The following SLC37A3 variants were observed in gnomAD, a reference collection of about 807,000 sequenced individuals.
The protein encoded by SLC37A3 is sugar phosphate exchanger 3.
Under a neutral mutation model 67.1 loss-of-function variants are expected in SLC37A3, and 51 were observed. That is an observed-to-expected ratio of 0.76 (90% confidence interval 0.61 to 0.96). The LOEUF is 0.96. Among genes scored for constraint, SLC37A3 ranks in the 40% least tolerant of loss-of-function variants. SLC37A3 has a pLI of 0.00. For missense variants in SLC37A3, 508 were observed against 603.0 expected, an observed-to-expected ratio of 0.84 and a Z score of 1.65; for synonymous variants, 214 against 231.4, an observed-to-expected ratio of 0.92 and a Z score of 0.68.
chr7:140,388,118 C>CA (rs142381447), intron 1 of SLC37A3, among the ~76,000 whole-genome samples: 25,551 of 146,194 alleles, frequency 0.17, 2,222 homozygotes, highest in South Asian at 0.29. Context: ...TTTTAAAAGA[C>CA]AAAAAAAAAA....
chr7:140,374,222 A>G (rs1797932726), intron 3 of SLC37A3, among the ~76,000 whole-genome samples: 1 of 152,178 alleles, frequency 6.6e-6, no homozygotes, highest in Non-Finnish European at 1.5e-5. Context: ...TAGGCCAGGT[A>G]CGGTGGCTCA....
chr7:140,396,403 C>T (rs9640467), intron 1 of SLC37A3, among the ~76,000 whole-genome samples: 101,895 of 152,028 alleles, frequency 0.67, 35,562 homozygotes, highest in Non-Finnish European at 0.79. Flanking sequence ...TTCATTAATT[C>T]ATCCGTCTTC....
chr7:140,356,619 G>A (rs1797039593), intron 6 of SLC37A3, among the ~76,000 whole-genome samples: 3 of 152,144 alleles, frequency 2.0e-5, no homozygotes, highest in African/African-American at 7.2e-5. Flanking sequence ...GGAGGCGGAG[G>A]TTGCAGTGAG....
chr7:140,388,294 G>A (rs1303419282), intron 1 of SLC37A3, among the ~76,000 whole-genome samples: 1 of 151,546 alleles, frequency 6.6e-6, no homozygotes, highest in East Asian at 1.9e-4. Context: ...GTAGCCAGGT[G>A]TGGTGGTGCG....
chr7:140,354,767 G>A (rs1796953722), intron 7 of SLC37A3, among the ~76,000 whole-genome samples: 1 of 147,806 alleles, frequency 6.8e-6, no homozygotes, highest in African/African-American at 2.5e-5. Context: ...TTGAGACAGG[G>A]TCTTGCTCCA....
At chr7:140,348,232 G>A (rs922863188) in intron 10 of SLC37A3, among the ~76,000 whole-genome samples, 45 of 152,056 alleles carry the variant, frequency 3.0e-4, no homozygotes, top group African/African-American at 1.0e-3. Context: ...CAATGAACAC[G>A]TTCATATTCT....
intron 3 of SLC37A3, among the ~76,000 whole-genome samples, chr7:140,377,216 T>G (rs1039155940): frequency 1.2e-4 from 18 of 151,488 alleles, no homozygotes; most frequent in Non-Finnish European, 2.7e-4. Flanking sequence ...AAGTGTTTTT[T>G]TTTTTGTTTT....
Position 140,348,202 on chromosome 7 carries a change from G to C in SLC37A3, c.1024+424C>G, listed in dbSNP as rs1484915144. ...CTTCCTTATTAGGCTGGGGAAGGTG[G>C]GGAAGGTGGGAGGTAGATACAATGA... On this transcript the variant is annotated intron_variant, in intron 10 of 14. Coordinates refer to ENST00000326232, the MANE Select transcript of SLC37A3 (RefSeq NM_207113.3). 2.6e-5 allele frequency among the ~76,000 whole-genome samples: 4 copies of C among 152,122 alleles called. No individual in the cohort carries two copies. In the East Asian group the frequency reaches 7.7e-4, roughly 29 times the overall value.
At position 140,364,417 on chromosome 7, in the gene SLC37A3, A is replaced by C. The variant is rs1374454939; in HGVS notation, c.366T>G (p.Ser122=). ...AGACCTTTCAACTTACCACTAATGC[A>C]GAAGAGCACATGCCAAAAGACAGAA... The part of the protein sequence containing the change: ...RWVLSFGMCS[S]ALVVFVFGAL... Residue 122 remains serine (S), a synonymous_variant, in exon 5 of 15, where the codon TCT becomes TCG. Coordinates refer to ENST00000326232, the MANE Select transcript of SLC37A3 (RefSeq NM_207113.3). The C allele has an allele frequency of 6.2e-7, 1 of 1,613,868 alleles. No individual in the cohort carries two copies. The highest frequency in any genetic ancestry group is 1.7e-5 in the Admixed American group (1 of 59,978).
At chr7:140,349,134 T>C (rs992075880) in intron 9 of SLC37A3, among the ~76,000 whole-genome samples, 1 of 152,248 alleles carries the variant, frequency 6.6e-6, no homozygotes, top group Non-Finnish European at 1.5e-5. Flanking sequence ...GGAATGGTAT[T>C]CATGCCACTA....
intron 2 of SLC37A3, among the ~76,000 whole-genome samples, chr7:140,382,157 A>G (rs1260938684): frequency 1.3e-5 from 2 of 151,860 alleles, no homozygotes. Context: ...TGTCCTGTGC[A>G]TGGGAGGACG....
intron 3 of SLC37A3, among the ~76,000 whole-genome samples, chr7:140,372,954 T>G (rs975514504): frequency 6.6e-5 from 10 of 151,958 alleles, no homozygotes; most frequent in African/African-American, 2.4e-4. Context: ...AGTACAATAA[T>G]TTTTCTTTTT....
intron 13 of SLC37A3, among the ~76,000 whole-genome samples, chr7:140,339,082 T>A (rs1318938947): frequency 9.9e-5 from 15 of 152,092 alleles, no homozygotes. Context: ...AATGGTATGA[T>A]CACAGCTCAC....
At chr7:140,348,149 C>A (rs1796641485) in intron 10 of SLC37A3, among the ~76,000 whole-genome samples, 1 of 152,074 alleles carries the variant, frequency 6.6e-6, no homozygotes, top group Admixed American at 6.6e-5. Context: ...AAAAGTGAAA[C>A]CACAGATAAG....
At chr7:140,355,625 CAGAG>C (rs545979829) in intron 7 of SLC37A3, 39 bp downstream of exon 7, 249 of 1,416,602 alleles carry the variant, frequency 1.8e-4, no homozygotes, top group Non-Finnish European at 2.0e-4. Flanking sequence ...CATGTGCACA[CAGAG>C]AGAGAGAGAG....
At position 140,346,013 on chromosome 7, in the gene SLC37A3, G is replaced by A. The variant is rs1457987480; in HGVS notation, c.1025-43C>T. The A allele has an allele frequency of 2.7e-6, 4 of 1,458,564 alleles. No homozygotes were observed. In the East Asian group the frequency reaches 9.1e-5, roughly 33 times the overall value. 90.4% of individuals were successfully genotyped at this position (1,458,564 alleles called of 1,614,324 possible). On this transcript the variant is annotated intron_variant, in intron 10 of 14. Coordinates refer to ENST00000326232, the MANE Select transcript of SLC37A3 (RefSeq NM_207113.3). ...AGCAATCAAAATCACTTCTAATTTA[G>A]CTCGCTCACCTGAGGCGTGCTCCCC... is the stretch of plus-strand genomic sequence containing the variant.
In SLC37A3 at chr7:140,351,877, G is replaced by A. The variant is rs1337757987; in HGVS notation, c.703+185C>T. Reference sequence around the variant, plus strand: ...GACGTGCATCACTCCCCTCAAACACGTCCAGCTGTGCCAGGGGCTGGCTAC... The same window carrying A: ...GACGTGCATCACTCCCCTCAAACACATCCAGCTGTGCCAGGGGCTGGCTAC... On this transcript the variant is annotated intron_variant, in intron 8 of 14. Coordinates refer to ENST00000326232, the MANE Select transcript of SLC37A3 (RefSeq NM_207113.3). 5.2e-5 allele frequency: 37 copies of A among 710,370 alleles called. 1 individual carries two copies. In the Admixed American group the frequency reaches 6.2e-4, roughly 12 times the overall value. 44.0% of individuals were successfully genotyped at this position (710,370 alleles called of 1,614,324 possible).
At chr7:140,397,268 A>C (rs1384444666) in intron 1 of SLC37A3, among the ~76,000 whole-genome samples, 3 of 140,440 alleles carry the variant, frequency 2.1e-5, no homozygotes, top group African/African-American at 7.8e-5. Flanking sequence ...ATCTCGGCTC[A>C]CTGCAACCTC....
At chr7:140,393,328 G>C (rs1798793964) in intron 1 of SLC37A3, among the ~76,000 whole-genome samples, 1 of 152,192 alleles carries the variant, frequency 6.6e-6, no homozygotes, top group South Asian at 2.1e-4. Context: ...CTGCAGAGCT[G>C]AACACGTGCG....
Sources: gnomAD v4.1 joint callset for allele counts (sites outside exome capture counted in the v4.1 genomes callset) on GRCh38, gnomAD v4.1.1 for gene constraint, MANE v1.5 for transcripts, NCBI Gene and HGNC (gene_info 2026-07-23, HGNC 2026-07-21) for gene names.